The following RBFOX1 variants were observed in gnomAD, a reference collection of about 807,000 sequenced individuals.
RBFOX1 encodes RNA binding fox-1 homolog 1.
Under a neutral mutation model 57.7 loss-of-function variants are expected in RBFOX1, and 8 were observed. That is an observed-to-expected ratio of 0.14 (90% CI 0.08 to 0.25). The LOEUF (loss-of-function observed/expected upper bound fraction) is 0.25. Among genes scored for constraint, RBFOX1 ranks in the 10% least tolerant of loss-of-function variants. The pLI is 1.00. For missense variants in RBFOX1, 611 were observed against 548.5 expected (o/e 1.11, Z -1.14); for synonymous variants, 326 against 222.4 (o/e 1.47, Z -4.15).
At chr16:7,274,277 C>T (rs559295031) in intron 4 of RBFOX1, among the ~76,000 whole-genome samples, 4 of 152,154 alleles carry the variant, frequency 2.6e-5, no homozygotes, top group Non-Finnish European at 4.4e-5. Flanking sequence ...GTCATTTAAT[C>T]GTCACAACAG....
chr16:6,853,894 T>C (rs1310344218), intron 3 of RBFOX1, among the ~76,000 whole-genome samples: 1 of 152,178 alleles, frequency 6.6e-6, no homozygotes, highest in Non-Finnish European at 1.5e-5. Context: ...CCAGGATCTA[T>C]ATGATTTATG....
intron 2 of RBFOX1, among the ~76,000 whole-genome samples, chr16:6,398,236 A>G (rs577038635): frequency 1.3e-5 from 2 of 152,320 alleles, no homozygotes; most frequent in African/African-American, 4.8e-5. Flanking sequence ...GGTTTCTCCC[A>G]TAACATATGC....
chr16:7,418,811 T>C (rs1325110605), intron 4 of RBFOX1, among the ~76,000 whole-genome samples: 5 of 151,620 alleles, frequency 3.3e-5, no homozygotes, highest in Non-Finnish European at 7.4e-5. Flanking sequence ...CCTCTGTCTC[T>C]CTCACCTCTT....
chr16:5,951,068 A>T (rs964178335), intron 4 of RBFOX1, among the ~76,000 whole-genome samples: 3 of 152,178 alleles, frequency 2.0e-5, no homozygotes, highest in African/African-American at 4.8e-5. Context: ...TGTGCTGCTT[A>T]TCAGAGGTGG....
intron 1 of RBFOX1, among the ~76,000 whole-genome samples, chr16:6,242,189 A>G (rs907438595): frequency 5.9e-5 from 9 of 152,116 alleles, no homozygotes; most frequent in African/African-American, 1.4e-4. Flanking sequence ...TTATATGCAT[A>G]TATAGTTATC....
chr16:7,430,702 A>G (rs1481822847), intron 4 of RBFOX1, among the ~76,000 whole-genome samples: 2 of 151,784 alleles, frequency 1.3e-5, no homozygotes, highest in African/African-American at 2.4e-5. Context: ...TGTTTCATCA[A>G]GAGTTGCCAG....
At chr16:7,441,167 T>C (rs1598474758) in intron 4 of RBFOX1, among the ~76,000 whole-genome samples, 1 of 152,328 alleles carries the variant, frequency 6.6e-6, no homozygotes, top group South Asian at 2.1e-4. Context: ...CTGCTCACCA[T>C]TGGCCCAGGA....
intron 3 of RBFOX1, among the ~76,000 whole-genome samples, chr16:5,620,157 C>G (rs928050148): frequency 6.6e-6 from 1 of 152,028 alleles, no homozygotes. Context: ...TGCTGGAACC[C>G]GAGGAGCTTT....
At chr16:5,356,569 G>C (rs575551146) in intron 1 of RBFOX1, among the ~76,000 whole-genome samples, 1 of 152,168 alleles carries the variant, frequency 6.6e-6, no homozygotes, top group African/African-American at 2.4e-5. Flanking sequence ...TTATCTCTCT[G>C]TTGTGTCCCT....
At chr16:6,903,513 T>G (rs547251296) in intron 3 of RBFOX1, among the ~76,000 whole-genome samples, 1 of 152,250 alleles carries the variant, frequency 6.6e-6, no homozygotes, top group Non-Finnish European at 1.5e-5. Flanking sequence ...AAATACATGA[T>G]GTGGGGGAAG....
At chr16:7,445,468 G>T (rs1029574190) in intron 4 of RBFOX1, among the ~76,000 whole-genome samples, 2 of 152,142 alleles carry the variant, frequency 1.3e-5, no homozygotes, top group Non-Finnish European at 2.9e-5. Flanking sequence ...TTTGAAAGTG[G>T]AAGAGGCCCA....
chr16:5,672,053 G>A (rs2050026966), intron 3 of RBFOX1, among the ~76,000 whole-genome samples: 1 of 152,166 alleles, frequency 6.6e-6, no homozygotes. Context: ...GGAAAAAAAG[G>A]GGTGCAACTT....
In RBFOX1 at chr16:5,765,133, G is replaced by C. The variant is rs368360337; in HGVS notation, c.319-102170G>C. On this transcript the variant is annotated intron_variant, in intron 3 of 19. Transcript: ENST00000641259. ...CTCTTCTAATTATTGGGAAGCCCTTGGGTGGGAGCTGGGAGACTCTTTCCA... is the reference window on the plus strand; with the variant it reads ...CTCTTCTAATTATTGGGAAGCCCTTCGGTGGGAGCTGGGAGACTCTTTCCA... 2.4e-4 allele frequency among the ~76,000 whole-genome samples: 36 copies of C among 152,260 alleles called. 1 individual carries two copies. In the South Asian group the frequency reaches 7.5e-3, roughly 32 times the overall value.
intron 4 of RBFOX1, among the ~76,000 whole-genome samples, chr16:6,004,728 C>G (rs139343778): frequency 1.3e-5 from 2 of 152,304 alleles, no homozygotes; most frequent in Non-Finnish European, 2.9e-5. Context: ...TATTGATACT[C>G]GGCCCTAAGA....
intron 3 of RBFOX1, among the ~76,000 whole-genome samples, chr16:6,669,261 G>A (rs771524816): frequency 6.6e-6 from 1 of 152,148 alleles, no homozygotes; most frequent in Admixed American, 6.5e-5. Flanking sequence ...AACCATGCCC[G>A]TGTGTGTGCG....
intron 1 of RBFOX1, among the ~76,000 whole-genome samples, chr16:5,332,836 C>A (rs1157592802): frequency 2.6e-5 from 4 of 151,876 alleles, no homozygotes; most frequent in Non-Finnish European, 5.9e-5. Context: ...AATAAACCAG[C>A]CCTATTATTT....
intron 2 of RBFOX1, among the ~76,000 whole-genome samples, chr16:6,377,166 T>C (rs1175049729): frequency 1.3e-5 from 2 of 151,540 alleles, no homozygotes; most frequent in Non-Finnish European, 2.9e-5. Context: ...GCCCAGCTAC[T>C]TGGAGGCTGA....
intron 4 of RBFOX1, among the ~76,000 whole-genome samples, chr16:7,510,518 C>G (rs930187929): frequency 0.042 from 5,760 of 135,990 alleles, 145 homozygotes; most frequent in South Asian, 0.091. Context: ...TGTGGGCGCG[C>G]GCGCACGCGC....
chr16:7,595,816 T>A (rs971662601), intron 8 of RBFOX1, among the ~76,000 whole-genome samples, 175 bp downstream of exon 8: 10 of 149,912 alleles, frequency 6.7e-5, no homozygotes, highest in Non-Finnish European at 1.3e-4. Context: ...CTTTTTTTTT[T>A]AATTTTACTT....
Sources: allele counts gnomAD v4.1 joint callset (sites outside exome capture counted in the v4.1 genomes callset), GRCh38; gene constraint gnomAD v4.1.1; transcripts MANE v1.5; gene names NCBI Gene and HGNC (gene_info 2026-07-23, HGNC 2026-07-21).